The following SLC9A9 variants were observed in gnomAD, a reference collection of about 807,000 sequenced individuals.
SLC9A9 encodes sodium/hydrogen exchanger 9.
A neutral mutation model predicts 77.8 loss-of-function variants in SLC9A9; 62 were observed. That is an observed-to-expected ratio of 0.80 (90% confidence interval 0.65 to 0.98). The LOEUF is 0.98. SLC9A9 is among the 50% of genes least tolerant of loss of function. The pLI is 0.00. For missense variants in SLC9A9, 775 were observed against 774.9 expected, an observed-to-expected ratio of 1.00 and a Z score of 0.00; for synonymous variants, 320 against 283.5, an observed-to-expected ratio of 1.13 and a Z score of -1.29.
At chr3:143,695,307 G>C (rs1024420940) in intron 4 of SLC9A9, among the ~76,000 whole-genome samples, 2 of 151,998 alleles carry the variant, frequency 1.3e-5, no homozygotes, top group Non-Finnish European at 2.9e-5. Context: ...TCTACATTAG[G>C]TATTTCTCCT....
intron 6 of SLC9A9, among the ~76,000 whole-genome samples, chr3:143,606,041 T>G (rs2037916549): frequency 6.6e-6 from 1 of 152,182 alleles, no homozygotes; most frequent in African/African-American, 2.4e-5. Flanking sequence ...TTAACTGACC[T>G]GAAGAATCAT....
intron 14 of SLC9A9, among the ~76,000 whole-genome samples, chr3:143,290,569 T>C (rs529167284): frequency 6.6e-6 from 1 of 152,246 alleles, no homozygotes. Flanking sequence ...CTGTCAGCCA[T>C]CACACATAGC....
chr3:143,372,759 G>GA (rs1344036836), intron 13 of SLC9A9, among the ~76,000 whole-genome samples: 1 of 151,954 alleles, frequency 6.6e-6, no homozygotes. Context: ...AACGGATCAA[G>GA]AAAAATAACA....
At chr3:143,736,440 T>C (rs1409175991) in intron 4 of SLC9A9, among the ~76,000 whole-genome samples, 2 of 152,234 alleles carry the variant, frequency 1.3e-5, no homozygotes, top group African/African-American at 2.4e-5. Context: ...TTTAGGGATT[T>C]GGATTCACAG....
intron 4 of SLC9A9, among the ~76,000 whole-genome samples, chr3:143,731,065 T>G (rs991407790): frequency 6.6e-6 from 1 of 152,162 alleles, no homozygotes; most frequent in African/African-American, 2.4e-5. Context: ...TAAAGGGCTA[T>G]CTCCTCTAGG....
chr3:143,846,969 C>T (rs909680028), intron 1 of SLC9A9, among the ~76,000 whole-genome samples: 3 of 152,122 alleles, frequency 2.0e-5, no homozygotes, highest in South Asian at 4.1e-4. Context: ...TAACTCTGTG[C>T]TCTGAATGGA....
At position 143,572,628 on chromosome 3, in the gene SLC9A9, G is replaced by T. The variant is rs571652426; in HGVS notation, c.1000+1460C>A. Among the ~76,000 whole-genome samples the T allele has an allele frequency of 6.8e-4, 104 of 152,292 alleles. 1 individual carries two copies. The highest frequency in any genetic ancestry group is 2.3e-3 in the African/African-American group (96 of 41,550). Reference sequence around the variant, plus strand: ...AAAGTGGCAATGCACTAAAATAACAGAATTTGTATTGAAATAATTTAGATA... The same window carrying T: ...AAAGTGGCAATGCACTAAAATAACATAATTTGTATTGAAATAATTTAGATA... On this transcript the variant is annotated intron_variant, in intron 8 of 15. Coordinates refer to ENST00000316549, the MANE Select transcript of SLC9A9 (RefSeq NM_173653.4).
At chr3:143,587,086 AAAAATACAAGAGG>A (rs1433058670) in intron 6 of SLC9A9, among the ~76,000 whole-genome samples, 5 of 152,220 alleles carry the variant, frequency 3.3e-5, no homozygotes, top group Non-Finnish European at 5.9e-5. Context: ...GGCACAAGAG[AAAAATACAAGAGG>A]AATTCCGTGG....
chr3:143,610,194 C>T (rs2038000222), intron 6 of SLC9A9, among the ~76,000 whole-genome samples: 1 of 151,934 alleles, frequency 6.6e-6, no homozygotes. Flanking sequence ...TGTCACCCAG[C>T]CTGGAGTGCA....
At chr3:143,809,079 A>G (rs1034356968) in intron 2 of SLC9A9, among the ~76,000 whole-genome samples, 1 of 152,212 alleles carries the variant, frequency 6.6e-6, no homozygotes, top group Admixed American at 6.5e-5. Flanking sequence ...CTTTGAGAAT[A>G]TATCAATGCA....
intron 4 of SLC9A9, among the ~76,000 whole-genome samples, chr3:143,777,132 T>C (rs1284455778): frequency 1.3e-5 from 2 of 152,254 alleles, no homozygotes; most frequent in Admixed American, 6.5e-5. Context: ...GGTGTTGGAG[T>C]ACCCATCACA....
intron 4 of SLC9A9, among the ~76,000 whole-genome samples, chr3:143,718,257 C>T (rs777502001): frequency 6.6e-6 from 1 of 152,192 alleles, no homozygotes; most frequent in South Asian, 2.1e-4. Flanking sequence ...GATGTGCAAA[C>T]TCACCTACTG....
chr3:143,384,210 G>A (rs2033367654), intron 12 of SLC9A9, among the ~76,000 whole-genome samples: 1 of 151,334 alleles, frequency 6.6e-6, no homozygotes, highest in Non-Finnish European at 1.5e-5. Flanking sequence ...GAACAGCAGT[G>A]TAGAGAGGGG....
intron 1 of SLC9A9, 174 bp downstream of exon 1, chr3:143,847,974 G>T: frequency 1.5e-6 from 1 of 676,362 alleles, no homozygotes; most frequent in Non-Finnish European, 2.5e-6. Context: ...GGCAAATTTC[G>T]GCGGCTTGTC....
intron 5 of SLC9A9, among the ~76,000 whole-genome samples, chr3:143,665,849 C>A (rs925721513): frequency 1.7e-4 from 26 of 152,228 alleles, no homozygotes; most frequent in African/African-American, 6.0e-4. Flanking sequence ...AATAGCCTAC[C>A]AACCAAAAAA....
Position 143,449,520 on chromosome 3 carries a change from T to TAAA in SLC9A9, c.1469+17516_1469+17517insTTT, listed in dbSNP as rs1559921111. 2.0e-3 allele frequency among the ~76,000 whole-genome samples: 37 copies of TAAA among 18,256 alleles called. 6 individuals are homozygous for TAAA. The highest frequency in any genetic ancestry group is 7.1e-3 in the Admixed American group (5 of 700). 12.0% of individuals were successfully genotyped at this position (18,256 alleles called of 152,430 possible). On this transcript the variant is annotated intron_variant, in intron 12 of 15. Coordinates refer to ENST00000316549, the MANE Select transcript of SLC9A9 (RefSeq NM_173653.4). ...ATAATTATATAAAATATAATAATTATATAATTATATAAAATATAATTATAT... is the reference window on the plus strand; with the variant it reads ...ATAATTATATAAAATATAATAATTATAAAATAATTATATAAAATATAATTATAT...
chr3:143,390,517 G>C (rs9875404), intron 12 of SLC9A9, among the ~76,000 whole-genome samples: 22,214 of 152,196 alleles, frequency 0.15, 1,915 homozygotes, highest in Middle Eastern at 0.25. Context: ...ACAGCTCCCA[G>C]CATGAGCAAC....
Position 143,765,019 on chromosome 3 carries a change from CTCTT to C in SLC9A9, c.533+29978_533+29981del, listed in dbSNP as rs769518386. Among the ~76,000 whole-genome samples the C allele has an allele frequency of 1.3e-3, 190 of 144,754 alleles. 2 individuals carry two copies. The highest frequency in any genetic ancestry group is 0.011 in the Admixed American group (158 of 14,498). The allele number at this position is 144,754 out of a possible 152,430, so 95.0% of individuals were successfully genotyped here. A position where few individuals can be genotyped will look rare whatever the true frequency, so the allele number is the denominator to read the frequency against. Reference sequence around the variant, plus strand: ...CCTTCCTTTCTTTCTTTCTCTCTTTCTCTTTCTTTCTCTCTTTCTCTTTCTTTTT... The same window carrying C: ...CCTTCCTTTCTTTCTTTCTCTCTTTCTCTTTCTCTCTTTCTCTTTCTTTTT... On this transcript the variant is annotated intron_variant, in intron 4 of 15. Transcript: ENST00000316549.
intron 8 of SLC9A9, among the ~76,000 whole-genome samples, chr3:143,565,789 C>G (rs2037158889): frequency 6.6e-6 from 1 of 151,960 alleles, no homozygotes. Flanking sequence ...TTGGATTCAC[C>G]TGGTTCTGTC....
Sources: gnomAD v4.1 joint callset for allele counts (sites outside exome capture counted in the v4.1 genomes callset) on GRCh38, gnomAD v4.1.1 for gene constraint, MANE v1.5 for transcripts, NCBI Gene and HGNC (gene_info 2026-07-23, HGNC 2026-07-21) for gene names.